The following ZNF609 variants were observed in gnomAD, a reference collection of about 807,000 sequenced individuals.
ZNF609 encodes the protein zinc finger protein 609.
A neutral mutation model predicts 109.5 loss-of-function variants in ZNF609; 11 were observed. The observed-to-expected ratio is 0.10, with a 90% CI of 0.06 to 0.17. ZNF609 has a LOEUF of 0.17. Ranked by LOEUF, ZNF609 falls within the 10% of genes least tolerant of loss-of-function variation. The pLI, the probability that ZNF609 is intolerant of heterozygous loss-of-function variation, is 1.00. For synonymous variants in ZNF609, 646 were observed against 662.0 expected (o/e 0.98, Z 0.37); for missense variants, 1,559 against 1,772.4 (o/e 0.88, Z 2.16).
chr15:64,627,084 G>T (rs1895974980), intron 3 of ZNF609, among the ~76,000 whole-genome samples: 1 of 152,066 alleles, frequency 6.6e-6, no homozygotes, highest in South Asian at 2.1e-4. Context: ...CAGCTACTTG[G>T]GAGGCTGAGG....
At chr15:64,654,821 G>A (rs1896465843) in intron 3 of ZNF609, among the ~76,000 whole-genome samples, 1 of 152,194 alleles carries the variant, frequency 6.6e-6, no homozygotes, top group African/African-American at 2.4e-5. Flanking sequence ...AGTGGGCCGG[G>A]CACGGTGGCT....
At chr15:64,567,793 C>A (rs1347564537) in intron 2 of ZNF609, among the ~76,000 whole-genome samples, 1 of 152,036 alleles carries the variant, frequency 6.6e-6, no homozygotes, top group Non-Finnish European at 1.5e-5. Flanking sequence ...TCCTGAGTAG[C>A]TGGGACTACA....
chr15:64,664,971 A>G (rs547721719), intron 3 of ZNF609, among the ~76,000 whole-genome samples: 6 of 152,298 alleles, frequency 3.9e-5, no homozygotes, highest in Non-Finnish European at 5.9e-5. Flanking sequence ...TGAGATGCCT[A>G]TCTCTAAGTC....
At chr15:64,464,799 A>C (rs1438517437) in intron 1 of ZNF609, among the ~76,000 whole-genome samples, 4 of 152,176 alleles carry the variant, frequency 2.6e-5, no homozygotes, top group Non-Finnish European at 5.9e-5. Flanking sequence ...CTAGCTGGGC[A>C]TGTGGAATTG....
At chr15:64,577,047 T>TAAATATATATGTATATATACACAC (rs1567019104) in intron 2 of ZNF609, among the ~76,000 whole-genome samples, 13 of 93,310 alleles carry the variant, frequency 1.4e-4, no homozygotes, top group Non-Finnish European at 1.6e-4. Flanking sequence ...TATATACACA[T>TAAATATATATGTATATATACACAC]AAATATATAC....
At chr15:64,611,652 A>G (rs1469027783) in intron 2 of ZNF609, among the ~76,000 whole-genome samples, 1 of 152,162 alleles carries the variant, frequency 6.6e-6, no homozygotes, top group African/African-American at 2.4e-5. Flanking sequence ...TAGTCTTCAA[A>G]TTATATGTTC....
intron 2 of ZNF609, among the ~76,000 whole-genome samples, chr15:64,572,125 A>G (rs1321350033): frequency 6.6e-6 from 1 of 152,172 alleles, no homozygotes; most frequent in East Asian, 1.9e-4. Flanking sequence ...AGCAAGTGCA[A>G]AGGCCTGAGG....
rs1315507889 is a variant in ZNF609 at position 64,674,703 on chromosome 15, G to C, written c.1849G>C (p.Asp617His). ...CTCTGATGATGGACCCTCAGTGATGGATGAAACAAGCAATGATGCCTTTGA... is the reference window on the plus strand; with the variant it reads ...CTCTGATGATGGACCCTCAGTGATGCATGAAACAAGCAATGATGCCTTTGA... ...DGSDDGPSVM[D>H]ETSNDAFDSL... The change falls in exon 5 of 10, where the codon GAT becomes CAT. Residue 617 changes from aspartate to histidine, a missense_variant. Transcript: ENST00000326648. 1.2e-6 allele frequency: 2 copies of C among 1,614,108 alleles called. No individual in the cohort carries two copies. Among genetic ancestry groups the C allele is most frequent in the Admixed American group, 3.3e-5 (2 of 60,020 alleles).
chr15:64,622,905 C>T lies in ZNF609; in HGVS notation c.826C>T (p.Pro276Ser), dbSNP rs1895898966. The T allele has an allele frequency of 3.7e-6, 6 of 1,614,058 alleles. No homozygotes were observed. In the South Asian group the frequency reaches 6.6e-5, roughly 18 times the overall value. Residue 276 changes from proline to serine, a missense_variant, in exon 3 of 10, where the codon CCC (proline) becomes TCC (serine). Around this residue, in one of 4 missense-constraint regions of ZNF609, gnomAD observed 291 missense variants for 317.8 expected, o/e 0.92. Transcript: ENST00000326648. ...VPVVNNDISS[P>S]CEQIMVRTRS... ...AGTGGTCAACAATGACATCTCATCT[C>T]CCTGTGAGCAGATCATGGTTCGTAC... is the stretch of plus-strand genomic sequence containing the variant.
chr15:64,604,993 G>A (rs1366468528), intron 2 of ZNF609, among the ~76,000 whole-genome samples: 6 of 152,036 alleles, frequency 3.9e-5, no homozygotes, highest in Admixed American at 2.6e-4. Context: ...CACCACGCCC[G>A]GCTAATTTTT....
At chr15:64,502,278 A>T (rs1444333396) in intron 2 of ZNF609, 1 of 152,142 alleles carries the variant, frequency 6.6e-6, no homozygotes, top group Non-Finnish European at 1.5e-5. Flanking sequence ...GCCTTTCCAT[A>T]TTACCTTTGG....
intron 2 of ZNF609, among the ~76,000 whole-genome samples, chr15:64,567,887 T>C (rs1269942357): frequency 6.6e-6 from 1 of 152,054 alleles, no homozygotes; most frequent in African/African-American, 2.4e-5. Flanking sequence ...GGTCTCGATC[T>C]CCTGACATCG....
chr15:64,604,744 A>G (rs945243394), intron 2 of ZNF609, among the ~76,000 whole-genome samples: 6 of 152,202 alleles, frequency 3.9e-5, no homozygotes, highest in Non-Finnish European at 8.8e-5. Context: ...AAATAATCCC[A>G]TCAGGATTCT....
intron 2 of ZNF609, among the ~76,000 whole-genome samples, chr15:64,618,937 A>C (rs571480578): frequency 1.3e-5 from 2 of 152,206 alleles, no homozygotes; most frequent in Admixed American, 1.3e-4. Flanking sequence ...TTGGGCGGGA[A>C]AACAAAAATG....
chr15:64,469,427 CAAAAAAAAAAAAA>C (rs34210041), intron 1 of ZNF609, among the ~76,000 whole-genome samples: 3 of 73,574 alleles, frequency 4.1e-5, no homozygotes, highest in South Asian at 5.5e-4. Flanking sequence ...ACCCTATTTC[CAAAAAAAAAAAAA>C]AAAAAAAAAA....
chr15:64,666,066 C>T (rs1413158268), intron 3 of ZNF609, among the ~76,000 whole-genome samples: 1 of 94,074 alleles, frequency 1.1e-5, no homozygotes, highest in Non-Finnish European at 2.2e-5. Flanking sequence ...CAGAGCAAGA[C>T]TTCGTCTCAA....
chr15:64,518,805 A>T (rs968418705), intron 2 of ZNF609, among the ~76,000 whole-genome samples: 2 of 151,864 alleles, frequency 1.3e-5, no homozygotes, highest in South Asian at 4.1e-4. Context: ...GATTTTGGGC[A>T]TGAACCAAGC....
chr15:64,576,822 C>CAAA (rs57802165), intron 2 of ZNF609, among the ~76,000 whole-genome samples: 32 of 79,912 alleles, frequency 4.0e-4, no homozygotes, highest in African/African-American at 1.3e-3. Flanking sequence ...GACTCCATCT[C>CAAA]AAAAAAAAAA....
At chr15:64,640,839 G>A (rs1896242965) in intron 3 of ZNF609, among the ~76,000 whole-genome samples, 1 of 152,204 alleles carries the variant, frequency 6.6e-6, no homozygotes, top group African/African-American at 2.4e-5. Context: ...AGGGTGTGGT[G>A]AAACAGCCTT....
Sources: gnomAD v4.1 joint callset for allele counts (sites outside exome capture counted in the v4.1 genomes callset) on GRCh38, gnomAD v4.1.1 for gene constraint, gnomAD v4.1.1 regional missense constraint, MANE v1.5 for transcripts, NCBI Gene and HGNC (gene_info 2026-07-23, HGNC 2026-07-21) for gene names.